The following AFF2 variants were observed in gnomAD, a reference collection of about 807,000 sequenced individuals.
The protein encoded by AFF2 is AF4/FMR2 family member 2.
A neutral mutation model predicts 76.9 loss-of-function variants in AFF2; 14 were observed. The ratio of observed to expected loss-of-function variants is 0.18; its 90% confidence interval spans 0.12 to 0.28. AFF2 has a LOEUF of 0.28. AFF2 is among the 10% of genes least tolerant of loss of function. The pLI is 1.00. For synonymous variants in AFF2, 398 were observed against 366.7 expected (o/e 1.09, Z -0.98); for missense variants, 868 against 1,001.1 (o/e 0.87, Z 1.79).
chrX:148,773,737 AGAAAGAAAGAGAAAGAAAGAAG>A (rs2069631179), intron 3 of AFF2, among the ~76,000 whole-genome samples: 3 of 107,727 alleles, frequency 2.8e-5, no homozygotes, highest in African/African-American at 1.0e-4. Context: ...AAAGAAAGAA[AGAAAGAAAGAGAAAGAAAGAAG>A]GAAAGAAAGA....
chrX:148,661,325 T>C (rs967405794), intron 2 of AFF2, among the ~76,000 whole-genome samples: 9 of 112,396 alleles, frequency 8.0e-5, no homozygotes, highest in African/African-American at 2.9e-4. Flanking sequence ...AGTTCTTTGA[T>C]TAGAAGGAAT....
intron 4 of AFF2, among the ~76,000 whole-genome samples, chrX:148,831,091 G>A (rs781784527): frequency 4.5e-5 from 5 of 112,088 alleles, no homozygotes; most frequent in South Asian, 3.8e-4. Flanking sequence ...TGTTGCACCC[G>A]GCCCACAGGT....
chrX:148,901,206 A>T (rs1223589478), intron 8 of AFF2, among the ~76,000 whole-genome samples: 1 of 111,544 alleles, frequency 9.0e-6, no homozygotes, highest in East Asian at 2.8e-4. Context: ...GGTTTTTAAC[A>T]TTTCTGGCAC....
At chrX:148,725,861 T>C (rs1557264202) in intron 3 of AFF2, among the ~76,000 whole-genome samples, 1 of 112,208 alleles carries the variant, frequency 8.9e-6, no homozygotes, top group Non-Finnish European at 1.9e-5. Context: ...TGGCCAAGAG[T>C]TTCTTGAAGA....
chrX:148,609,115 C>G (rs1164493584), intron 1 of AFF2, among the ~76,000 whole-genome samples: 1 of 111,199 alleles, frequency 9.0e-6, no homozygotes, highest in East Asian at 2.8e-4. Flanking sequence ...TGACCAAAAT[C>G]CAGAGATACA....
rs1557289803 is a variant in AFF2 at position 148,973,572 on chromosome X, A to G, written c.3369A>G (p.Pro1123=). 3.3e-6 allele frequency: 4 copies of G among 1,211,476 alleles called. No homozygotes were observed. Among genetic ancestry groups the G allele is most frequent in the East Asian group, 3.0e-5 (1 of 33,846 alleles). ...GCGACCCTCTGGAAGCAAAGTCCCC[A>G]TACACCATGTACTCTGAGACTGTGG... ...MERDPLEAKS[P]YTMYSETVEL... is the part of the protein sequence containing the mutation. The change falls in exon 16 of 21, where the codon CCA becomes CCG. Residue 1123 remains proline, a synonymous_variant. Coordinates refer to ENST00000370460, the MANE Select transcript of AFF2 (RefSeq NM_002025.4).
chrX:148,863,928 T>A, intron 7 of AFF2, among the ~76,000 whole-genome samples: 1 of 111,709 alleles, frequency 9.0e-6, no homozygotes, highest in Middle Eastern at 4.6e-3. Context: ...CAAATCCACC[T>A]CAGGTGGACC....
At chrX:148,701,016 G>GAGAGAA (rs1239381497) in intron 3 of AFF2, among the ~76,000 whole-genome samples, 11 of 98,909 alleles carry the variant, frequency 1.1e-4, no homozygotes, top group African/African-American at 4.3e-4. Context: ...GAGAGAATGT[G>GAGAGAA]TGTGTGTGTG....
intron 1 of AFF2, among the ~76,000 whole-genome samples, chrX:148,567,025 G>A (rs944733590): frequency 5.4e-5 from 6 of 111,855 alleles, no homozygotes; most frequent in Non-Finnish European, 9.4e-5. Context: ...GACAGAGACT[G>A]TATTTGTAAT....
At chrX:148,858,196 C>T (rs2070807469) in intron 7 of AFF2, among the ~76,000 whole-genome samples, 1 of 111,436 alleles carries the variant, frequency 9.0e-6, no homozygotes, top group Non-Finnish European at 1.9e-5. Context: ...TGAATCATGT[C>T]AGTCTCCCAT....
chrX:148,641,700 C>A (rs1268191073), intron 1 of AFF2, among the ~76,000 whole-genome samples: 1 of 110,476 alleles, frequency 9.1e-6, no homozygotes, highest in Admixed American at 9.6e-5. Flanking sequence ...TCCTAATACC[C>A]CTGAAGTTTG....
chrX:148,959,037 C>T (rs782465425), intron 12 of AFF2, among the ~76,000 whole-genome samples: 1 of 108,942 alleles, frequency 9.2e-6, no homozygotes, highest in East Asian at 2.9e-4. Flanking sequence ...TGACACAGAA[C>T]TGTCCCAGGA....
chrX:148,926,614 A>G (rs1399969529), intron 9 of AFF2, among the ~76,000 whole-genome samples: 1 of 112,146 alleles, frequency 8.9e-6, no homozygotes, highest in Non-Finnish European at 1.9e-5. Flanking sequence ...CATATGGAGA[A>G]TACAGAGTGG....
chrX:148,515,913 A>G (rs1271593657), intron 1 of AFF2, among the ~76,000 whole-genome samples: 1 of 111,881 alleles, frequency 8.9e-6, no homozygotes, highest in African/African-American at 3.3e-5. Flanking sequence ...TCTGCTAGCC[A>G]AAAAACAAAA....
At chrX:148,571,286 A>G (rs2053226765) in intron 1 of AFF2, among the ~76,000 whole-genome samples, 3 of 111,299 alleles carry the variant, frequency 2.7e-5, no homozygotes, top group African/African-American at 9.8e-5. Flanking sequence ...ATTCTTAAAG[A>G]TGACACTTCT....
At chrX:148,914,419 C>T (rs1233648660) in intron 9 of AFF2, among the ~76,000 whole-genome samples, 1 of 111,481 alleles carries the variant, frequency 9.0e-6, no homozygotes, top group Admixed American at 9.5e-5. Context: ...AATACTTGGG[C>T]CCTACTTTTG....
intron 11 of AFF2, 96 bp from the exon 12 acceptor site, chrX:148,958,241 C>A (rs1417385311): frequency 2.8e-6 from 3 of 1,089,192 alleles, no homozygotes; most frequent in African/African-American, 3.7e-5. Context: ...AAAATAAAAG[C>A]AAACTATGTA....
At chrX:148,548,982 C>CT (rs782179283) in intron 1 of AFF2, among the ~76,000 whole-genome samples, 1 of 112,181 alleles carries the variant, frequency 8.9e-6, no homozygotes, top group East Asian at 2.8e-4. Context: ...AAAATATTTA[C>CT]TTTTTATGAT....
At chrX:148,752,802 T>C (rs1270982719) in intron 3 of AFF2, among the ~76,000 whole-genome samples, 1 of 112,133 alleles carries the variant, frequency 8.9e-6, no homozygotes, top group East Asian at 2.8e-4. Context: ...TTATAGCTTT[T>C]TCGTTATACT....
Sources: allele counts gnomAD v4.1 joint callset (sites outside exome capture counted in the v4.1 genomes callset), GRCh38; gene constraint gnomAD v4.1.1; transcripts MANE v1.5; gene names NCBI Gene and HGNC (gene_info 2026-07-23, HGNC 2026-07-21).